Variants in POLR3C observed in about 807,000 individuals in gnomAD.
The protein encoded by POLR3C is RNA polymerase III subunit C.
A neutral mutation model predicts 65.9 loss-of-function variants in POLR3C; 44 were observed. The ratio of observed to expected loss-of-function variants is 0.67; its 90% CI spans 0.52 to 0.86. POLR3C has a LOEUF of 0.86. Ranked by LOEUF, POLR3C falls within the 40% of genes least tolerant of loss-of-function variation. POLR3C has a pLI of 0.00. For missense variants in POLR3C, 576 were observed against 653.2 expected (o/e 0.88, Z 1.29); for synonymous variants, 263 against 231.6 (o/e 1.14, Z -1.23).
chr1:145,834,405 G>A (rs1272514275), intron 7 of POLR3C, among the ~76,000 whole-genome samples: 1 of 151,886 alleles, frequency 6.6e-6, no homozygotes, highest in South Asian at 2.1e-4. Flanking sequence ...GGTGGCTCAC[G>A]CCTGTAATCC....
At chr1:145,829,247 AT>A (rs782634311) in intron 5 of POLR3C, among the ~76,000 whole-genome samples, 1 of 152,142 alleles carries the variant, frequency 6.6e-6, no homozygotes, top group Non-Finnish European at 1.5e-5. Flanking sequence ...AGAATAATTG[AT>A]TCCTCCTCCC....
chr1:145,831,113 AT>A (rs1447203779), intron 5 of POLR3C, among the ~76,000 whole-genome samples: 1 of 151,666 alleles, frequency 6.6e-6, no homozygotes, highest in Admixed American at 6.6e-5. Context: ...AAAAAAAAAA[AT>A]TGGGTTGGTT....
Position 145,843,357 on chromosome 1 carries a change from T to C in POLR3C, c.*937T>C, listed in dbSNP as rs1395023167. Among the ~76,000 whole-genome samples the C allele has an allele frequency of 2.7e-4, 40 of 147,052 alleles. No individual in the cohort carries two copies. The highest frequency in any genetic ancestry group is 4.5e-5 in the Non-Finnish European group (3 of 66,652). On this transcript the variant is annotated 3_prime_UTR_variant, in exon 15 of 15. Coordinates refer to ENST00000334163, the MANE Select transcript of POLR3C (RefSeq NM_006468.8). ...ATATAATTTGTCCCAGCAGCTTTAA[T>C]TCATTTAAAGCAGTTAGATGTTTTA...
In POLR3C at chr1:145,826,586, A is replaced by G. The variant is rs1160502405; in HGVS notation, c.280A>G (p.Thr94Ala). ...RMLRYPRYIY[T>A]TKTLYSDTGE... The stretch of plus-strand genomic sequence containing the variant: ...GCTTAGATATCCCCGGTACATCTAT[A>G]CTACCAAAACTCTGTACAGTGACAC... The change falls in exon 3 of 15, where the codon ACT becomes GCT. Residue 94 changes from threonine to alanine, a missense_variant. By Grantham distance (58) the Thr-to-Ala change is moderately conservative. Transcript: ENST00000334163. The G allele has an allele frequency of 6.8e-6, 11 of 1,614,046 alleles. No individual in the cohort carries two copies. The highest frequency in any genetic ancestry group is 9.3e-6 in the Non-Finnish European group (11 of 1,180,014).
Position 145,842,454 on chromosome 1 carries a change from G to A in POLR3C, c.*34G>A, listed in dbSNP as rs782730754. 9.3e-6 allele frequency: 13 copies of A among 1,404,638 alleles called. No individual in the cohort carries two copies. In the South Asian group the frequency reaches 1.5e-4, roughly 16 times the overall value. 87.0% of individuals were successfully genotyped at this position (1,404,638 alleles called of 1,614,324 possible). A position where few individuals can be genotyped will look rare whatever the true frequency, so the allele number is the denominator to read the frequency against. On this transcript the variant is annotated 3_prime_UTR_variant, in exon 15 of 15. Transcript: ENST00000334163. Reference sequence around the variant, plus strand: ...AAGCATCTTCCTCAGAAGATCTGGGGGGATGGAAAGCAAAATAAAGGAGGT... The same window carrying A: ...AAGCATCTTCCTCAGAAGATCTGGGAGGATGGAAAGCAAAATAAAGGAGGT...
At chr1:145,838,867 AATAG>A (rs1652070848) in intron 11 of POLR3C, among the ~76,000 whole-genome samples, 1 of 152,180 alleles carries the variant, frequency 6.6e-6, no homozygotes, top group Non-Finnish European at 1.5e-5. Flanking sequence ...CATATGAGTA[AATAG>A]ATAGAATGGA....
At chr1:145,836,373 G>A (rs1306918329) in intron 7 of POLR3C, 121 bp from the exon 8 acceptor site, 6 of 683,544 alleles carry the variant, frequency 8.8e-6, no homozygotes, top group African/African-American at 1.8e-5. Context: ...ACCTGCCTCA[G>A]CCTCCCAAAG....
At position 145,837,533 on chromosome 1, in the gene POLR3C, A is replaced by G; in HGVS notation, c.1010-3A>G. On this transcript the variant is annotated splice_region_variant and splice_polypyrimidine_tract_variant and intron_variant, in intron 9 of 14. Transcript: ENST00000334163. ...CTGAGTGACCTTAATTCTCTACATAAAGACCTCCATAAGGCATTAGCATCC... is the reference window on the plus strand; with the variant it reads ...CTGAGTGACCTTAATTCTCTACATAGAGACCTCCATAAGGCATTAGCATCC... 6.4e-7 allele frequency: 1 copy of G among 1,572,552 alleles called. No individual in the cohort carries two copies. The highest frequency in any genetic ancestry group is 8.7e-7 in the Non-Finnish European group (1 of 1,153,178).
chr1:145,832,188 A>G (rs184324944), intron 5 of POLR3C, among the ~76,000 whole-genome samples: 5 of 152,368 alleles, frequency 3.3e-5, no homozygotes, highest in Admixed American at 3.3e-4. Context: ...TAGAATCCTT[A>G]AGGACAGTTG....
intron 4 of POLR3C, 31 bp from the exon 5 acceptor site, chr1:145,828,718 T>C (rs1469460368): frequency 6.5e-6 from 9 of 1,376,554 alleles, no homozygotes; most frequent in Non-Finnish European, 9.3e-6. Flanking sequence ...ATATGAGATA[T>C]AGTCTAAGTG....
Position 145,837,569 on chromosome 1 carries a change from C to G in POLR3C, c.1043C>G (p.Ala348Gly). The G allele has an allele frequency of 1.2e-6, 2 of 1,607,480 alleles. No homozygotes were observed. The highest frequency in any genetic ancestry group is 1.7e-6 in the Non-Finnish European group (2 of 1,176,282). Reference protein sequence around the residue: ...LHKALASLATATLESVVQERF... With the variant: ...LHKALASLATGTLESVVQERF... Reference sequence around the variant, plus strand: ...AAGGCATTAGCATCCCTAGCCACAGCCACTCTGGAGTCCGTCGTACAGGAG... The same window carrying G: ...AAGGCATTAGCATCCCTAGCCACAGGCACTCTGGAGTCCGTCGTACAGGAG... Residue 348 changes from alanine (A) to glycine (G), a missense_variant, in exon 10 of 15, where the codon GCC becomes GGC. Physicochemically the swap from Ala to Gly is moderately conservative, Grantham distance 60 (BLOSUM62 0). Transcript: ENST00000334163.
Position 145,828,776 on chromosome 1 carries a change from A to T in POLR3C, c.617A>T (p.Asp206Val). The T allele has an allele frequency of 6.2e-7, 1 of 1,609,794 alleles. No individual in the cohort carries two copies. The change falls in exon 5 of 15, where the codon GAT becomes GTT. Residue 206 changes from aspartate (D) to valine (V), a missense_variant. Physicochemically the swap from Asp to Val is radical, Grantham distance 152. Transcript: ENST00000334163. ...AAAGGTAAAAGGAGGAGATCATCTG[A>T]TGAAGATGCTGCTGGGGAGCCCAAG... ...IGKGKRRRSS[D>V]EDAAGEPKAK...
intron 14 of POLR3C, among the ~76,000 whole-genome samples, chr1:145,842,013 T>A (rs1421996709): frequency 6.6e-6 from 1 of 152,160 alleles, no homozygotes; most frequent in Admixed American, 6.5e-5. Flanking sequence ...CACTTTAAGC[T>A]TCAGACACTC....
At chr1:145,841,275 T>G in intron 14 of POLR3C, among the ~76,000 whole-genome samples, 1 of 152,328 alleles carries the variant, frequency 6.6e-6, no homozygotes, top group South Asian at 2.1e-4. Context: ...ATATACACTC[T>G]CTTGTTCATC....
chr1:145,826,201 T>G (rs981871646), intron 2 of POLR3C, among the ~76,000 whole-genome samples: 1 of 152,210 alleles, frequency 6.6e-6, no homozygotes, highest in Non-Finnish European at 1.5e-5. Flanking sequence ...GTACTGCCTT[T>G]AAGGAATGAG....
intron 4 of POLR3C, among the ~76,000 whole-genome samples, chr1:145,828,210 G>A (rs1650947017): frequency 6.6e-6 from 1 of 152,234 alleles, no homozygotes; most frequent in African/African-American, 2.4e-5. Flanking sequence ...GATCTCAGAA[G>A]CTAATCAGGA....
intron 5 of POLR3C, among the ~76,000 whole-genome samples, chr1:145,829,845 T>C (rs1245904557): frequency 6.6e-6 from 1 of 152,208 alleles, no homozygotes; most frequent in African/African-American, 2.4e-5. Flanking sequence ...AAATGCTGTT[T>C]TCATAGACTT....
rs782540649 is a variant in POLR3C at position 145,842,535 on chromosome 1, C to G, written c.*115C>G. 3 of 758,900 alleles carry G rather than the reference C, an allele frequency of 4.0e-6. No homozygotes were observed. Among genetic ancestry groups the G allele is most frequent in the Admixed American group, 1.9e-5 (1 of 53,016 alleles). The allele number at this position is 758,900 out of a possible 1,614,324, so 47.0% of individuals were successfully genotyped here. A position where few individuals can be genotyped will look rare whatever the true frequency, so the allele number is the denominator to read the frequency against. ...TCGCAGAGTCTTCAACTAAACCCCCCTCTCTATCCCCTGCAGCCCAGGATA... is the reference window on the plus strand; with the variant it reads ...TCGCAGAGTCTTCAACTAAACCCCCGTCTCTATCCCCTGCAGCCCAGGATA... On this transcript the variant is annotated 3_prime_UTR_variant, in exon 15 of 15. Coordinates refer to ENST00000334163, the MANE Select transcript of POLR3C (RefSeq NM_006468.8).
intron 7 of POLR3C, among the ~76,000 whole-genome samples, chr1:145,834,314 A>G (rs143650436): frequency 5.5e-4 from 84 of 152,222 alleles, no homozygotes; most frequent in Non-Finnish European, 1.0e-3. Flanking sequence ...TTAGTGAATG[A>G]ATGGCAGATT....
Sources: gnomAD v4.1 joint callset for allele counts (sites outside exome capture counted in the v4.1 genomes callset) on GRCh38, gnomAD v4.1.1 for gene constraint, MANE v1.5 for transcripts, NCBI Gene and HGNC (gene_info 2026-07-23, HGNC 2026-07-21) for gene names.